The following LSM14A variants were observed in gnomAD, a reference collection of about 807,000 sequenced individuals.
LSM14A encodes LSM14A mRNA processing body assembly factor, also known as protein LSM14 homolog A.
A neutral mutation model predicts 52.4 loss-of-function variants in LSM14A; 14 were observed. The observed-to-expected ratio is 0.27, with a 90% CI of 0.18 to 0.42. The LOEUF (loss-of-function observed/expected upper bound fraction) is 0.42, where lower values mean the gene tolerates loss of function less well. Among genes scored for constraint, LSM14A ranks in the 10% least tolerant of loss-of-function variants. The pLI is 1.00. For missense variants in LSM14A, 417 were observed against 581.8 expected (o/e 0.72, Z 2.91); for synonymous variants, 185 against 200.3 (o/e 0.92, Z 0.64).
At chr19:34,226,305 A>C in intron 9 of LSM14A, 1 of 1,150,248 alleles carries the variant, frequency 8.7e-7, no homozygotes, top group African/African-American at 1.6e-5. Flanking sequence ...TGAATGACTC[A>C]GCATAATGCT....
chr19:34,222,250 T>C (rs1405317987), intron 9 of LSM14A, among the ~76,000 whole-genome samples: 1 of 152,256 alleles, frequency 6.6e-6, no homozygotes, highest in East Asian at 1.9e-4. Context: ...CCCAGCAAGT[T>C]GTTTCCTGAG....
chr19:34,205,410 C>T (rs891182151), intron 3 of LSM14A, among the ~76,000 whole-genome samples: 13 of 135,698 alleles, frequency 9.6e-5, no homozygotes, highest in Admixed American at 4.1e-4. Flanking sequence ...CGCTTGAACC[C>T]GGGAGGCGGA....
intron 4 of LSM14A, among the ~76,000 whole-genome samples, chr19:34,214,061 G>A (rs1020050213): frequency 1.3e-5 from 2 of 152,132 alleles, no homozygotes; most frequent in Admixed American, 6.6e-5. Context: ...GGGATTATAG[G>A]TGTGAGCAAC....
At chr19:34,186,918 TCTAATTTA>T (rs2069949788) in intron 1 of LSM14A, among the ~76,000 whole-genome samples, 1 of 151,908 alleles carries the variant, frequency 6.6e-6, no homozygotes, top group Admixed American at 6.6e-5. Flanking sequence ...AACATTAGAG[TCTAATTTA>T]CAATTTTTAG....
intron 1 of LSM14A, among the ~76,000 whole-genome samples, chr19:34,187,124 C>T (rs2069970816): frequency 6.6e-6 from 1 of 151,578 alleles, no homozygotes; most frequent in South Asian, 2.1e-4. Flanking sequence ...TGGTGCACAC[C>T]TGTAGTTCCA....
At chr19:34,202,483 A>G (rs963350234) in intron 3 of LSM14A, among the ~76,000 whole-genome samples, 2 of 149,930 alleles carry the variant, frequency 1.3e-5, no homozygotes, top group Non-Finnish European at 3.0e-5. Context: ...ACAGAGCCAG[A>G]CTGTGTCTCA....
intron 1 of LSM14A, among the ~76,000 whole-genome samples, chr19:34,178,063 A>T (rs1400122910): frequency 1.3e-5 from 2 of 151,978 alleles, no homozygotes; most frequent in Admixed American, 1.3e-4. Context: ...TGAGAGGCTG[A>T]GGCAGGAGAA....
chr19:34,217,088 G>A (rs2072664389), intron 6 of LSM14A, among the ~76,000 whole-genome samples: 1 of 151,840 alleles, frequency 6.6e-6, no homozygotes, highest in Non-Finnish European at 1.5e-5. Flanking sequence ...GTGAAACCCT[G>A]TCTCTACTAA....
At chr19:34,216,939 T>G (rs941546308) in intron 6 of LSM14A, among the ~76,000 whole-genome samples, 5 of 152,186 alleles carry the variant, frequency 3.3e-5, no homozygotes, top group Admixed American at 2.0e-4. Context: ...TTTCTTCATG[T>G]TACAAGTTTG....
chr19:34,201,533 G>A (rs2071288736), intron 3 of LSM14A, among the ~76,000 whole-genome samples: 1 of 152,130 alleles, frequency 6.6e-6, no homozygotes, highest in African/African-American at 2.4e-5. Context: ...AGTAGAGACA[G>A]GGTTTCACCA....
At chr19:34,181,169 G>A (rs1009019698) in intron 1 of LSM14A, among the ~76,000 whole-genome samples, 1 of 151,934 alleles carries the variant, frequency 6.6e-6, no homozygotes, top group African/African-American at 2.4e-5. Context: ...GTCCCCTCTT[G>A]GTGATTCAAG....
chr19:34,194,683 G>T (rs749494050), intron 2 of LSM14A, 42 bp downstream of exon 2: 3 of 1,590,822 alleles, frequency 1.9e-6, no homozygotes, highest in South Asian at 1.1e-5. Context: ...GGTAAACTCC[G>T]CACAGGGTTA....
At chr19:34,220,062 T>G (rs1227725891) in intron 8 of LSM14A, among the ~76,000 whole-genome samples, 185 bp downstream of exon 8, 1 of 152,188 alleles carries the variant, frequency 6.6e-6, no homozygotes, top group East Asian at 1.9e-4. Context: ...CTCAAGCTCC[T>G]GACCTCAAGC....
At chr19:34,198,501 G>A (rs146321482) in intron 3 of LSM14A, among the ~76,000 whole-genome samples, 7,185 of 151,978 alleles carry the variant, frequency 0.047, 324 homozygotes, top group East Asian at 0.22. Flanking sequence ...CTGTAATCCC[G>A]GCTACTAGGG....
rs575671533 is a variant in LSM14A at position 34,218,989 on chromosome 19, T to A, written c.782-402T>A. Among the ~76,000 whole-genome samples, 6 of 152,324 alleles carry A rather than the reference T, an allele frequency of 3.9e-5. No individual in the cohort carries two copies. The South Asian group carries it at 8.3e-4, about 21-fold the overall frequency. ...TTCTTTCCATAAAAGGCTTTCTACA[T>A]TTTGAGAACCCACTGTGTGTCTGGC... On this transcript the variant is annotated intron_variant, in intron 6 of 9. Coordinates refer to ENST00000544216, the MANE Select transcript of LSM14A (RefSeq NM_015578.4).
At chr19:34,196,094 A>G (rs191397269) in intron 2 of LSM14A, among the ~76,000 whole-genome samples, 2 of 152,320 alleles carry the variant, frequency 1.3e-5, no homozygotes, top group East Asian at 3.9e-4. Context: ...TATGTTATAT[A>G]TTTTATATGC....
At chr19:34,192,509 T>C (rs924059073) in intron 1 of LSM14A, among the ~76,000 whole-genome samples, 6 of 150,406 alleles carry the variant, frequency 4.0e-5, no homozygotes, top group African/African-American at 1.2e-4. Flanking sequence ...TTTGTATTTT[T>C]AGTAGAGATG....
Position 34,172,558 on chromosome 19 carries a change from ACGGAGCGAGCGGGCGTG to A in LSM14A, c.-77_-61del, listed in dbSNP as rs1242867617. On this transcript the variant is annotated 5_prime_UTR_variant, in exon 1 of 10. Coordinates refer to ENST00000544216, the MANE Select transcript of LSM14A (RefSeq NM_015578.4). ...TCTGAAGCGGCTGCTGTAGGCGCCG[ACGGAGCGAGCGGGCGTG>A]CGGAGCGGGCGACAGTGGCGTGGGA... The A allele has an allele frequency of 1.4e-6, 2 of 1,399,790 alleles. No individual in the cohort carries two copies. Among genetic ancestry groups the A allele is most frequent in the African/African-American group, 3.0e-5 (2 of 65,708 alleles). The allele number at this position is 1,399,790 out of a possible 1,614,324, so 86.7% of individuals were successfully genotyped here.
intron 4 of LSM14A, among the ~76,000 whole-genome samples, chr19:34,210,738 C>T (rs1478554460): frequency 6.6e-6 from 1 of 150,912 alleles, no homozygotes; most frequent in African/African-American, 2.4e-5. Context: ...CAAGCAAGCA[C>T]CACCAGCTAG....
Sources: allele counts gnomAD v4.1 joint callset (sites outside exome capture counted in the v4.1 genomes callset), GRCh38; gene constraint gnomAD v4.1.1; transcripts MANE v1.5; gene names NCBI Gene and HGNC (gene_info 2026-07-23, HGNC 2026-07-21).